The following LRP1B variants were observed in gnomAD, a reference collection of about 807,000 sequenced individuals.
LRP1B encodes LDL receptor related protein 1B, also known as low-density lipoprotein receptor-related protein 1B.
Under a neutral mutation model 556.6 loss-of-function variants are expected in LRP1B, and 217 were observed. That is an observed-to-expected ratio of 0.39 (90% CI 0.35 to 0.44). The LOEUF is 0.44. LRP1B is among the 20% of genes least tolerant of loss of function. The pLI is 1.00. For missense variants in LRP1B, 5,053 were observed against 5,620.8 expected, an observed-to-expected ratio of 0.90 and a Z score of 3.23; for synonymous variants, 2,047 against 1,865.8, an observed-to-expected ratio of 1.10 and a Z score of -2.50.
At chr2:141,276,510 A>G (rs573015000) in intron 3 of LRP1B, among the ~76,000 whole-genome samples, 2 of 152,112 alleles carry the variant, frequency 1.3e-5, no homozygotes, top group South Asian at 2.1e-4. Context: ...ATATGTACTC[A>G]ATGTTTAACT....
chr2:142,085,709 T>C (rs1313447644), intron 1 of LRP1B, among the ~76,000 whole-genome samples: 1 of 152,224 alleles, frequency 6.6e-6, no homozygotes, highest in Non-Finnish European at 1.5e-5. Flanking sequence ...TGAGATTATA[T>C]GTGGGCTATG....
intron 16 of LRP1B, among the ~76,000 whole-genome samples, chr2:140,991,141 A>G (rs1375428992): frequency 6.6e-6 from 1 of 152,192 alleles, no homozygotes; most frequent in Non-Finnish European, 1.5e-5. Flanking sequence ...TAGCAAGAAT[A>G]AATGCCGAGA....
At chr2:141,845,026 A>T (rs759111677) in intron 1 of LRP1B, among the ~76,000 whole-genome samples, 54 of 151,484 alleles carry the variant, frequency 3.6e-4, no homozygotes, top group Non-Finnish European at 6.3e-4. Context: ...TTCAATTTAA[A>T]TATATTTAAA....
At chr2:141,233,409 T>C (rs1683543167) in intron 5 of LRP1B, among the ~76,000 whole-genome samples, 1 of 152,208 alleles carries the variant, frequency 6.6e-6, no homozygotes, top group Admixed American at 6.5e-5. Flanking sequence ...TGATGGAGAA[T>C]AGTATTTGTG....
chr2:141,364,240 A>G (rs973407382), intron 3 of LRP1B, among the ~76,000 whole-genome samples: 5 of 151,582 alleles, frequency 3.3e-5, no homozygotes, highest in African/African-American at 1.2e-4. Context: ...CAAAGGAAAT[A>G]ATAGAATGAA....
rs1477356819 is a variant in LRP1B, at chr2:141,348,248, C to T, written c.344-93607G>A. ...AAGATTTGAAAAAGCAACAAACCGC[C>T]AGTTAGGTGAAGAGAGGGTGGAAGA... On this transcript the variant is annotated intron_variant, in intron 3 of 90. Transcript: ENST00000389484. 2.6e-5 allele frequency among the ~76,000 whole-genome samples: 4 copies of T among 152,008 alleles called. No individual in the cohort carries two copies. The East Asian group carries it at 7.7e-4, about 29-fold the overall frequency.
At chr2:140,511,129 T>C (rs1263632222) in intron 51 of LRP1B, among the ~76,000 whole-genome samples, 1 of 152,006 alleles carries the variant, frequency 6.6e-6, no homozygotes, top group Non-Finnish European at 1.5e-5. Flanking sequence ...AGATGAAAAA[T>C]ATTTGTTTCT....
chr2:141,941,646 C>T (rs536049856), intron 1 of LRP1B, among the ~76,000 whole-genome samples: 1 of 152,114 alleles, frequency 6.6e-6, no homozygotes, highest in African/African-American at 2.4e-5. Flanking sequence ...GCTCAGGGAA[C>T]CTGGGAGCAC....
intron 46 of LRP1B, 33 bp from the exon 47 acceptor site, chr2:140,534,173 G>C (rs966067929): frequency 1.3e-6 from 2 of 1,575,566 alleles, no homozygotes; most frequent in Non-Finnish European, 1.7e-6. Context: ...CACAACCAGA[G>C]ATCATATAGA....
chr2:140,560,136 A>T (rs1196746852), intron 43 of LRP1B, among the ~76,000 whole-genome samples: 2 of 152,154 alleles, frequency 1.3e-5, no homozygotes, highest in African/African-American at 2.4e-5. Context: ...GAATTTAATC[A>T]TGAGACAATA....
chr2:141,433,342 T>C (rs964151880), intron 3 of LRP1B, among the ~76,000 whole-genome samples: 3 of 152,092 alleles, frequency 2.0e-5, no homozygotes, highest in Non-Finnish European at 4.4e-5. Flanking sequence ...GTGGTCCGTG[T>C]GTGCTTAAGA....
At chr2:140,725,174 C>T (rs545010463) in intron 35 of LRP1B, among the ~76,000 whole-genome samples, 1 of 152,276 alleles carries the variant, frequency 6.6e-6, no homozygotes, top group East Asian at 1.9e-4. Flanking sequence ...ATCCAAACCA[C>T]CATCTTCTAC....
intron 32 of LRP1B, among the ~76,000 whole-genome samples, chr2:140,805,523 C>T (rs551041239): frequency 1.3e-5 from 2 of 152,180 alleles, no homozygotes; most frequent in East Asian, 3.8e-4. Flanking sequence ...AAATTCTTAA[C>T]TAAAAGTTGA....
chr2:141,802,797 T>C (rs1317685740), intron 2 of LRP1B, among the ~76,000 whole-genome samples: 3 of 152,088 alleles, frequency 2.0e-5, no homozygotes, highest in Non-Finnish European at 4.4e-5. Context: ...TGCTCACACA[T>C]GAAAGGTAAG....
rs1174966172 is a variant in LRP1B, at chr2:140,994,038, G to C, written c.2601C>G (p.Asp867Glu). The change falls in exon 16 of 91, where the codon GAC becomes GAG. Residue 867 changes from aspartate (D) to glutamate (E), a missense_variant. Around this residue, in one of 5 missense-constraint regions of LRP1B, gnomAD observed 3,619 missense variants for 3,931.9 expected, o/e 0.92. Transcript: ENST00000389484. ...CIQARWKCDG[D>E]DDCLDGSDED... is the part of the protein sequence containing the mutation. Reference sequence around the variant, plus strand: ...CATCGCTTCCGTCTAGGCAGTCATCGTCGCCATCACATTTCCACCGAGCTT... The same window carrying C: ...CATCGCTTCCGTCTAGGCAGTCATCCTCGCCATCACATTTCCACCGAGCTT... 2 of 1,612,422 alleles carry C rather than the reference G, an allele frequency of 1.2e-6. No individual in the cohort carries two copies. The highest frequency in any genetic ancestry group is 1.7e-6 in the Non-Finnish European group (2 of 1,179,080).
intron 2 of LRP1B, among the ~76,000 whole-genome samples, chr2:141,705,309 G>A (rs1227177190): frequency 1.3e-5 from 2 of 151,798 alleles, no homozygotes; most frequent in African/African-American, 4.8e-5. Context: ...TCCTTCTATG[G>A]AATGGATCAC....
At chr2:140,899,831 G>A (rs1483130187) in intron 23 of LRP1B, among the ~76,000 whole-genome samples, 1 of 152,100 alleles carries the variant, frequency 6.6e-6, no homozygotes, top group African/African-American at 2.4e-5. Flanking sequence ...ACACTTATAA[G>A]ATAAAAGTCA....
chr2:141,603,934 T>C (rs1475302670), intron 2 of LRP1B, among the ~76,000 whole-genome samples: 1 of 152,122 alleles, frequency 6.6e-6, no homozygotes, highest in African/African-American at 2.4e-5. Flanking sequence ...TAAGACCCAG[T>C]TTTGTAAGGA....
chr2:141,382,099 C>T (rs926329470), intron 3 of LRP1B, among the ~76,000 whole-genome samples: 3 of 152,168 alleles, frequency 2.0e-5, no homozygotes, highest in Non-Finnish European at 4.4e-5. Context: ...AGCCTGCAAG[C>T]TCAACCATCT....
Sources: gnomAD v4.1 joint callset for allele counts (sites outside exome capture counted in the v4.1 genomes callset) on GRCh38, gnomAD v4.1.1 for gene constraint, gnomAD v4.1.1 regional missense constraint, MANE v1.5 for transcripts, NCBI Gene and HGNC (gene_info 2026-07-23, HGNC 2026-07-21) for gene names.